AGBL4: variants seen among roughly 807,000 people sequenced by gnomAD.
AGBL4 encodes cytosolic carboxypeptidase 6.
In AGBL4, 58 loss-of-function variants were observed where a neutral mutation model predicts 66.4. The ratio of observed to expected loss-of-function variants is 0.87; its 90% confidence interval spans 0.71 to 1.09. The LOEUF (loss-of-function observed/expected upper bound fraction) is 1.09. AGBL4 is among the 50% of genes least tolerant of loss of function. AGBL4 has a pLI of 0.00. For missense variants in AGBL4, 579 were observed against 631.0 expected (o/e 0.92, Z 0.88); for synonymous variants, 234 against 222.9 (o/e 1.05, Z -0.44).
At chr1:49,628,717 A>T (rs182923475) in intron 3 of AGBL4, among the ~76,000 whole-genome samples, 1 of 152,336 alleles carries the variant, frequency 6.6e-6, no homozygotes, top group East Asian at 1.9e-4. Context: ...TCTTTGGACT[A>T]TATTGTGACA....
chr1:49,137,714 C>T (rs547639318), intron 4 of AGBL4, among the ~76,000 whole-genome samples: 1 of 152,020 alleles, frequency 6.6e-6, no homozygotes, highest in Non-Finnish European at 1.5e-5. Flanking sequence ...ATCTTCAAAA[C>T]AATTGCTAAT....
intron 4 of AGBL4, among the ~76,000 whole-genome samples, chr1:49,046,360 A>C (rs1644081071): frequency 6.6e-6 from 1 of 152,214 alleles, no homozygotes. Context: ...TATGCATTGT[A>C]TATATTCAAG....
chr1:48,951,054 T>C (rs1656939132), intron 5 of AGBL4, among the ~76,000 whole-genome samples: 1 of 152,188 alleles, frequency 6.6e-6, no homozygotes, highest in Admixed American at 6.5e-5. Flanking sequence ...CTTTTCATTT[T>C]AGAGATTTAA....
chr1:49,791,760 C>A (rs528380322), intron 2 of AGBL4, among the ~76,000 whole-genome samples: 2 of 152,044 alleles, frequency 1.3e-5, no homozygotes, highest in African/African-American at 4.8e-5. Flanking sequence ...TCTTAACTAA[C>A]CTAAAAGTTT....
intron 4 of AGBL4, among the ~76,000 whole-genome samples, chr1:49,202,588 C>A (rs182626376): frequency 6.9e-4 from 105 of 152,100 alleles, no homozygotes; most frequent in African/African-American, 2.4e-3. Flanking sequence ...AAAAATGGAA[C>A]CTTATCTTAA....
At chr1:48,612,012 G>A (rs1170663741) in intron 9 of AGBL4, among the ~76,000 whole-genome samples, 1 of 152,228 alleles carries the variant, frequency 6.6e-6, no homozygotes, top group Non-Finnish European at 1.5e-5. Flanking sequence ...CTAGGAAGTG[G>A]AGGAGAGGGA....
At chr1:49,916,305 G>A (rs140993063) in intron 1 of AGBL4, among the ~76,000 whole-genome samples, 1,928 of 152,136 alleles carry the variant, frequency 0.013, 41 homozygotes, top group African/African-American at 0.045. Flanking sequence ...GAGGAAGTTC[G>A]AACCCATCAC....
intron 5 of AGBL4, among the ~76,000 whole-genome samples, chr1:48,983,319 G>C (rs192008624): frequency 1.3e-5 from 2 of 152,110 alleles, no homozygotes; most frequent in East Asian, 3.9e-4. Flanking sequence ...GTTGAGAATA[G>C]TCTGTTCTGT....
intron 4 of AGBL4, among the ~76,000 whole-genome samples, chr1:49,183,190 A>G (rs1342813039): frequency 1.3e-5 from 2 of 152,232 alleles, no homozygotes; most frequent in East Asian, 3.9e-4. Context: ...AGAAATGTAG[A>G]CATTCCCTCT....
At chr1:49,631,040 G>T (rs753422864) in intron 3 of AGBL4, among the ~76,000 whole-genome samples, 3 of 152,032 alleles carry the variant, frequency 2.0e-5, no homozygotes, top group Non-Finnish European at 4.4e-5. Context: ...GTATATTCCA[G>T]CACCAAGGTA....
chr1:49,229,080 C>T (rs536238384), intron 4 of AGBL4, among the ~76,000 whole-genome samples: 5 of 152,142 alleles, frequency 3.3e-5, no homozygotes, highest in Non-Finnish European at 5.9e-5. Context: ...GATCCATTTC[C>T]CCAGCTTGCT....
chr1:49,618,977 T>C (rs1301288999), intron 3 of AGBL4, among the ~76,000 whole-genome samples: 1 of 152,088 alleles, frequency 6.6e-6, no homozygotes, highest in Non-Finnish European at 1.5e-5. Flanking sequence ...CTCAAAATAA[T>C]AAGAGCTATT....
intron 2 of AGBL4, among the ~76,000 whole-genome samples, chr1:49,722,998 C>G (rs145113169): frequency 1.3e-5 from 2 of 152,060 alleles, no homozygotes; most frequent in African/African-American, 4.8e-5. Flanking sequence ...CACTGAGTGT[C>G]GCCACCAACA....
intron 6 of AGBL4, among the ~76,000 whole-genome samples, chr1:48,787,834 G>GATAAA (rs2148725850): frequency 6.6e-6 from 1 of 152,338 alleles, no homozygotes; most frequent in South Asian, 2.1e-4. Flanking sequence ...CTGGATAGTG[G>GATAAA]CCAAGGGAAG....
chr1:49,232,475 G>T (rs892945450), intron 4 of AGBL4, among the ~76,000 whole-genome samples: 4 of 152,014 alleles, frequency 2.6e-5, no homozygotes, highest in Non-Finnish European at 5.9e-5. Flanking sequence ...GAGGTGGGCG[G>T]ATCTTGACGT....
chr1:49,440,105 T>C (rs562533643), intron 3 of AGBL4, among the ~76,000 whole-genome samples: 45 of 147,872 alleles, frequency 3.0e-4, no homozygotes, highest in Non-Finnish European at 5.9e-4. Context: ...AGTCTTGCTC[T>C]GTCACCCAGG....
intron 3 of AGBL4, among the ~76,000 whole-genome samples, chr1:49,264,266 T>C (rs1653513674): frequency 6.6e-6 from 1 of 152,158 alleles, no homozygotes; most frequent in South Asian, 2.1e-4. Context: ...TGAGTGCTTT[T>C]ATGTTATTTT....
intron 6 of AGBL4, among the ~76,000 whole-genome samples, chr1:48,866,938 G>A (rs550413395): frequency 1.3e-5 from 2 of 152,266 alleles, no homozygotes; most frequent in South Asian, 2.1e-4. Flanking sequence ...CTTGACCCTA[G>A]AATATGCAGC....
chr1:48,677,263 C>G (rs1646380962), intron 6 of AGBL4, among the ~76,000 whole-genome samples: 1 of 152,238 alleles, frequency 6.6e-6, no homozygotes, highest in African/African-American at 2.4e-5. Flanking sequence ...TGCAGTGTCT[C>G]AGGGAACTCA....
Sources: allele counts gnomAD v4.1 joint callset (sites outside exome capture counted in the v4.1 genomes callset), GRCh38; gene constraint gnomAD v4.1.1; transcripts MANE v1.5; gene names NCBI Gene and HGNC (gene_info 2026-07-23, HGNC 2026-07-21).